Variants in PPP2R1B observed in about 807,000 individuals in gnomAD.
The protein encoded by PPP2R1B is serine/threonine-protein phosphatase 2A 65 kDa regulatory subunit A beta isoform.
Under a neutral mutation model 72.7 loss-of-function variants are expected in PPP2R1B, and 58 were observed. That is an observed-to-expected ratio of 0.80 (90% CI 0.65 to 0.99). The LOEUF (loss-of-function observed/expected upper bound fraction) is 0.99, where lower values mean the gene tolerates loss of function less well. PPP2R1B is among the 50% of genes least tolerant of loss of function. The pLI is 0.00. For synonymous variants in PPP2R1B, 256 were observed against 264.6 expected (o/e 0.97, Z 0.32); for missense variants, 695 against 733.6 (o/e 0.95, Z 0.61).
the PPP2R1B span, among the ~76,000 whole-genome samples, chr11:111,704,722 A>G: frequency 6.6e-6 from 1 of 152,172 alleles, no homozygotes; most frequent in Non-Finnish European, 1.5e-5. Flanking sequence ...ATTTTCTCTG[A>G]CTGGAGAAAA....
At chr11:111,700,472 G>A in the PPP2R1B span, among the ~76,000 whole-genome samples, 144,422 of 152,294 alleles carry the variant, frequency 0.95, 68,843 homozygotes, top group East Asian at 1. Flanking sequence ...GTGTTTAGGT[G>A]AATGTCTTAG....
the PPP2R1B span, among the ~76,000 whole-genome samples, chr11:111,697,489 A>G: frequency 1.7e-4 from 26 of 152,318 alleles, no homozygotes; most frequent in African/African-American, 4.8e-4. Flanking sequence ...ACTACCTACT[A>G]TGTTTCAATC....
chr11:111,701,688 G>A, the PPP2R1B span: 3 of 1,349,586 alleles, frequency 2.2e-6, no homozygotes, highest in African/African-American at 2.9e-5. This position sits in a 1 kb window ranked among gnomAD's most constrained non-coding sequence, Gnocchi z 4.2. Context: ...TAAAGTGACT[G>A]AGCTGTAGGT....
chr11:111,736,407 G>A (rs1025557506), downstream of PPP2R1B, among the ~76,000 whole-genome samples: 5 of 152,186 alleles, frequency 3.3e-5, no homozygotes, highest in African/African-American at 9.7e-5. Context: ...AAAGAAGTCT[G>A]TGGTTTAGGC....
At chr11:111,737,555 G>A, downstream of PPP2R1B, 1 of 1,614,210 alleles carries the variant, frequency 6.2e-7, no homozygotes, top group Non-Finnish European at 8.5e-7. Flanking sequence ...AGCTTCCTCA[G>A]CCTTTGTGCC....
chr11:111,744,042 C>T (rs1378080091), intron 11 of PPP2R1B, among the ~76,000 whole-genome samples: 5 of 152,164 alleles, frequency 3.3e-5, no homozygotes, highest in Admixed American at 2.0e-4. Flanking sequence ...TGGAGAGAAG[C>T]GGGGAGGAAT....
At chr11:111,718,550 T>C in the PPP2R1B span, among the ~76,000 whole-genome samples, 2 of 152,252 alleles carry the variant, frequency 1.3e-5, no homozygotes. Context: ...ATGGATTTTA[T>C]GGAATAACCT....
chr11:111,753,602 C>T lies in PPP2R1B; in HGVS notation c.1030-25G>A, dbSNP rs781808024. Reference sequence around the variant, plus strand: ...CCTAAAATAAAATCGAAATTAAAAGCCTTTATTACAAGACAACAGAAACTT... The same window carrying T: ...CCTAAAATAAAATCGAAATTAAAAGTCTTTATTACAAGACAACAGAAACTT... On this transcript the variant is annotated intron_variant, in intron 8 of 14. Transcript: ENST00000527614. 6.3e-6 allele frequency: 10 copies of T among 1,587,268 alleles called. No homozygotes were observed. In the African/African-American group the frequency reaches 1.2e-4, roughly 19 times the overall value.
At chr11:111,741,872 T>C (rs373084156) in intron 14 of PPP2R1B, 181 bp downstream of exon 14, 2 of 736,914 alleles carry the variant, frequency 2.7e-6, no homozygotes, top group Admixed American at 2.2e-5. Flanking sequence ...CCTGCTCACT[T>C]ATGAGAAAAT....
At chr11:111,707,147 C>T in the PPP2R1B span, among the ~76,000 whole-genome samples, 2 of 152,066 alleles carry the variant, frequency 1.3e-5, no homozygotes, top group Non-Finnish European at 2.9e-5. Flanking sequence ...GAACTCTTTC[C>T]TTCTTGCAAA....
At chr11:111,748,079 A>G in intron 10 of PPP2R1B, 65 bp from the exon 11 acceptor site, 16 of 1,474,966 alleles carry the variant, frequency 1.1e-5, no homozygotes, top group Non-Finnish European at 1.5e-5. Flanking sequence ...TGGTCTATTT[A>G]CATTACACCA....
chr11:111,724,450 G>A (rs1943906785), downstream of PPP2R1B: 1 of 332,898 alleles, frequency 3.0e-6, no homozygotes, highest in African/African-American at 2.1e-5. Flanking sequence ...GTGTTATGCA[G>A]GATTACATCC....
the PPP2R1B span, among the ~76,000 whole-genome samples, chr11:111,717,107 G>A: frequency 6.6e-6 from 1 of 152,036 alleles, no homozygotes; most frequent in Non-Finnish European, 1.5e-5. Flanking sequence ...GAGGTCAGGA[G>A]ATCGAGACCA....
chr11:111,737,635 G>A, downstream of PPP2R1B: 1 of 1,603,452 alleles, frequency 6.2e-7, no homozygotes. Context: ...AAGCCCACCT[G>A]TGCTTCCCAG....
At chr11:111,692,499 G>T in the PPP2R1B span, among the ~76,000 whole-genome samples, 1 of 151,812 alleles carries the variant, frequency 6.6e-6, no homozygotes, top group Non-Finnish European at 1.5e-5. Flanking sequence ...AATTGGAGTG[G>T]TAAGGAAACT....
At chr11:111,745,234 T>C (rs1944666104) in intron 11 of PPP2R1B, among the ~76,000 whole-genome samples, 1 of 152,036 alleles carries the variant, frequency 6.6e-6, no homozygotes, top group South Asian at 2.1e-4. Flanking sequence ...GTGTTTTTAG[T>C]AGAGACAGGG....
Position 111,741,595 on chromosome 11 carries a change from A to G in PPP2R1B, c.*1T>C, listed in dbSNP as rs1190051959. 35 of 1,613,238 alleles carry G rather than the reference A, an allele frequency of 2.2e-5. No individual in the cohort carries two copies. The highest frequency in any genetic ancestry group is 2.8e-5 in the Non-Finnish European group (33 of 1,179,850). Reference sequence around the variant, plus strand: ...AAAGGCCTTTTCCCTCCTGCTCCTCATTATGCCAATGCAAGAACTGGAAAA... The same window carrying G: ...AAAGGCCTTTTCCCTCCTGCTCCTCGTTATGCCAATGCAAGAACTGGAAAA... On this transcript the variant is annotated 3_prime_UTR_variant, in exon 15 of 15. Transcript: ENST00000527614.
intron 4 of PPP2R1B, among the ~76,000 whole-genome samples, chr11:111,760,382 T>G (rs370564097): frequency 1.3e-5 from 2 of 152,198 alleles, no homozygotes; most frequent in East Asian, 3.9e-4. Context: ...AAGGTCTCAC[T>G]ATGTTGCTCA....
downstream of PPP2R1B, among the ~76,000 whole-genome samples, chr11:111,733,714 G>A (rs1455744267): frequency 6.6e-6 from 1 of 152,198 alleles, no homozygotes; most frequent in Admixed American, 6.5e-5. Flanking sequence ...AGCCTTGCCT[G>A]TCTCTTCTGT....
Sources: gnomAD v4.1 joint callset for allele counts (sites outside exome capture counted in the v4.1 genomes callset) on GRCh38, gnomAD v4.1.1 for gene constraint, Gnocchi (gnomAD v3.1) non-coding constraint, MANE v1.5 for transcripts, NCBI Gene and HGNC (gene_info 2026-07-23, HGNC 2026-07-21) for gene names.